The following TNRC6C variants were observed in gnomAD, a reference collection of about 807,000 sequenced individuals.
TNRC6C encodes trinucleotide repeat-containing gene 6C protein.
TNRC6C carries 20 observed loss-of-function variants against 153.7 expected under a neutral mutation model. The observed-to-expected ratio is 0.13, with a 90% confidence interval of 0.09 to 0.19. TNRC6C has a LOEUF of 0.19. Among genes scored for constraint, TNRC6C ranks in the 10% least tolerant of loss-of-function variants. The pLI is 1.00. For missense variants in TNRC6C, 1,987 were observed against 2,172.0 expected (o/e 0.91, Z 1.69); for synonymous variants, 811 against 841.4 (o/e 0.96, Z 0.63).
intron 2 of TNRC6C, among the ~76,000 whole-genome samples, chr17:78,034,941 C>A (rs2072149941): frequency 6.6e-6 from 1 of 152,096 alleles, no homozygotes; most frequent in South Asian, 2.1e-4. Context: ...TGCATTCCAG[C>A]CTGGGCAACA....
rs775998901 is a variant in TNRC6C, at chr17:78,083,062, T to G, written c.3373T>G (p.Leu1125Val). The change falls in exon 11 of 20, where the codon TTG becomes GTG. Residue 1125 changes from leucine (L) to valine (V), a missense_variant. Transcript: ENST00000301624. The stretch of plus-strand genomic sequence containing the variant: ...TGTTAAACAGGTTCAAGCACAGCTT[T>G]TGCAGTTTGCAGCAAAAAACATTGG... 83 of 1,613,868 alleles carry G rather than the reference T, an allele frequency of 5.1e-5. No homozygotes were observed. The East Asian group carries it at 1.8e-3, about 35-fold the overall frequency.
intron 1 of TNRC6C, among the ~76,000 whole-genome samples, chr17:78,009,494 A>G (rs566660671): frequency 2.6e-5 from 4 of 152,172 alleles, no homozygotes; most frequent in African/African-American, 7.2e-5. Context: ...TAATCTTACC[A>G]TGTATGAAAG....
chr17:77,960,110 A>C (rs1382228327), intron 1 of TNRC6C, among the ~76,000 whole-genome samples: 2 of 152,146 alleles, frequency 1.3e-5, no homozygotes, highest in African/African-American at 4.8e-5. Context: ...ATTGCATTCG[A>C]AGGCATTTGA....
chr17:78,064,078 C>G (rs1386037633), intron 3 of TNRC6C, among the ~76,000 whole-genome samples: 2 of 152,168 alleles, frequency 1.3e-5, no homozygotes, highest in Non-Finnish European at 2.9e-5. Flanking sequence ...GATTCTTGCT[C>G]TGTCGCCCAG....
chr17:78,061,268 T>G (rs979124683), intron 3 of TNRC6C, among the ~76,000 whole-genome samples: 3 of 152,226 alleles, frequency 2.0e-5, no homozygotes, highest in Non-Finnish European at 4.4e-5. Context: ...TTTAAAAGAA[T>G]CCCTATAAAT....
At chr17:78,050,625 A>C in exon 3 of TNRC6C, 1 of 1,571,596 alleles carries the variant, frequency 6.4e-7, no homozygotes. Flanking sequence ...CAGCAAACAC[A>C]GGTTGGGGAG....
intron 7 of TNRC6C, among the ~76,000 whole-genome samples, chr17:78,073,781 T>C (rs1189250278): frequency 3.3e-5 from 5 of 152,192 alleles, no homozygotes; most frequent in Non-Finnish European, 7.3e-5. Flanking sequence ...TTATTTAATA[T>C]TGATATATTA....
At chr17:78,007,081 G>T (rs146311710) in intron 1 of TNRC6C, among the ~76,000 whole-genome samples, 3 of 151,630 alleles carry the variant, frequency 2.0e-5, no homozygotes, top group African/African-American at 7.3e-5. Context: ...GACCTCAAAT[G>T]ATTCCCCCCC....
chr17:78,058,113 A>C (rs372444751), intron 3 of TNRC6C, among the ~76,000 whole-genome samples: 33 of 152,154 alleles, frequency 2.2e-4, no homozygotes, highest in African/African-American at 7.0e-4. Context: ...CTCCTCGAAC[A>C]TTGCCTCAAT....
chr17:78,067,911 A>G, exon 5 of TNRC6C: 1 of 1,611,178 alleles, frequency 6.2e-7, no homozygotes, highest in East Asian at 2.2e-5. Flanking sequence ...CCCCCAAAAA[A>G]GGACTTCAAA....
intron 12 of TNRC6C, 23 bp from the exon 15 acceptor site, chr17:78,086,830 G>A (rs1018280998): frequency 8.1e-6 from 13 of 1,607,760 alleles, no homozygotes; most frequent in Admixed American, 1.7e-5. Flanking sequence ...CCTAGTTAAC[G>A]CACCTATGTC....
chr17:78,036,722 A>T (rs965053468), intron 2 of TNRC6C, among the ~76,000 whole-genome samples: 4 of 152,006 alleles, frequency 2.6e-5, no homozygotes, highest in African/African-American at 9.7e-5. Context: ...TCAGGAGTTT[A>T]AGACCAGCCT....
chr17:77,986,367 C>T (rs779220641), intron 1 of TNRC6C, among the ~76,000 whole-genome samples: 3 of 149,020 alleles, frequency 2.0e-5, no homozygotes, highest in South Asian at 2.1e-4. Flanking sequence ...GAGCCGAGAT[C>T]GCGCCATTGC....
In TNRC6C at chr17:78,079,366, G is replaced by A. The variant is rs1337957582; in HGVS notation, c.3211-29G>A. 1.2e-6 allele frequency: 2 copies of A among 1,607,160 alleles called. No homozygotes were observed. Among genetic ancestry groups the A allele is most frequent in the South Asian group, 1.1e-5 (1 of 90,894 alleles). On this transcript the variant is annotated intron_variant, in intron 9 of 19. Coordinates refer to ENST00000301624, the Ensembl canonical transcript of TNRC6C. The surrounding 1 kb of genome is among the most constrained non-coding windows in gnomAD (Gnocchi z 4.3). The stretch of plus-strand genomic sequence containing the variant: ...CAATGTTACTCTAATGCCTGCCTTG[G>A]TAACGTGTTTAATTCTGTCCCTGTG...
At chr17:78,000,618 G>GCCC (rs35005797), upstream of TNRC6C, among the ~76,000 whole-genome samples, 8 of 13,044 alleles carry the variant, frequency 6.1e-4, no homozygotes, top group Admixed American at 1.4e-3. Flanking sequence ...TTCTCCCTCC[G>GCCC]CCCCCCCCCC....
At chr17:77,977,502 A>T (rs1306143474) in intron 1 of TNRC6C, among the ~76,000 whole-genome samples, 2 of 152,236 alleles carry the variant, frequency 1.3e-5, no homozygotes, top group Non-Finnish European at 2.9e-5. Flanking sequence ...AAACAAAAAG[A>T]CAACTTTTTA....
At chr17:77,967,325 C>T (rs1305167538) in intron 1 of TNRC6C, among the ~76,000 whole-genome samples, 2 of 152,140 alleles carry the variant, frequency 1.3e-5, no homozygotes, top group East Asian at 3.8e-4. Flanking sequence ...GTAATCCCTA[C>T]ATCGTCTATA....
chr17:78,070,445 G>A (rs1456477719), intron 5 of TNRC6C, among the ~76,000 whole-genome samples: 2 of 152,066 alleles, frequency 1.3e-5, no homozygotes, highest in Non-Finnish European at 2.9e-5. Context: ...GCATTTATAG[G>A]CTCAGAGGGA....
At position 78,051,027 on chromosome 17, in the gene TNRC6C, G is replaced by C. The variant is rs757674894; in HGVS notation, c.1965G>C (p.Trp655Cys). The stretch of plus-strand genomic sequence containing the variant: ...CAAAGGCCAATCCAGGTACAAACTG[G>C]GGGGAGACTTTAAAACCTGGCCCCC... Residue 655 changes from tryptophan (W) to cysteine (C), a missense_variant, in exon 3 of 20, where the codon TGG becomes TGC. Trp to Cys is a radical substitution (Grantham distance 215). Transcript: ENST00000301624. The C allele has an allele frequency of 1.2e-6, 2 of 1,613,500 alleles. No homozygotes were observed. Among genetic ancestry groups the C allele is most frequent in the African/African-American group, 1.3e-5 (1 of 74,884 alleles).
Sources: gnomAD v4.1 joint callset for allele counts (sites outside exome capture counted in the v4.1 genomes callset) on GRCh38, gnomAD v4.1.1 for gene constraint, Gnocchi (gnomAD v3.1) non-coding constraint, MANE v1.5 for transcripts, NCBI Gene and HGNC (gene_info 2026-07-23, HGNC 2026-07-21) for gene names.